CEP112: variants seen among roughly 807,000 people sequenced by gnomAD.
The protein encoded by CEP112 is centrosomal protein of 112 kDa.
Under a neutral mutation model 153.0 loss-of-function variants are expected in CEP112, and 127 were observed. That is an observed-to-expected ratio of 0.83 (90% CI 0.72 to 0.96). CEP112 has a LOEUF of 0.96. CEP112 is among the 40% of genes least tolerant of loss of function. CEP112 has a pLI of 0.00. For missense variants in CEP112, 1,089 were observed against 1,101.2 expected (o/e 0.99, Z 0.16); for synonymous variants, 358 against 374.4 (o/e 0.96, Z 0.51).
At chr17:66,036,780 A>C (rs1224200831) in intron 12 of CEP112, among the ~76,000 whole-genome samples, 1 of 152,204 alleles carries the variant, frequency 6.6e-6, no homozygotes, top group Non-Finnish European at 1.5e-5. Flanking sequence ...TATTCTGCTC[A>C]TGGAATTAAC....
intron 19 of CEP112, among the ~76,000 whole-genome samples, chr17:65,917,635 A>T (rs1321166993): frequency 6.6e-6 from 1 of 152,144 alleles, no homozygotes; most frequent in African/African-American, 2.4e-5. Flanking sequence ...AAACCTCAGT[A>T]ATAAGAATGT....
At chr17:65,755,107 T>A (rs977300210) in intron 21 of CEP112, among the ~76,000 whole-genome samples, 3 of 151,492 alleles carry the variant, frequency 2.0e-5, no homozygotes, top group African/African-American at 7.3e-5. Context: ...GAAAAAAAAA[T>A]ACAAATAAAA....
At chr17:65,781,434 T>C (rs942183444) in intron 21 of CEP112, among the ~76,000 whole-genome samples, 1 of 152,104 alleles carries the variant, frequency 6.6e-6, no homozygotes, top group Non-Finnish European at 1.5e-5. Context: ...CATTTTACAA[T>C]CTACAGATTC....
intron 20 of CEP112, among the ~76,000 whole-genome samples, chr17:65,856,599 T>C (rs1192477890): frequency 1.3e-5 from 2 of 152,194 alleles, no homozygotes; most frequent in Non-Finnish European, 2.9e-5. Context: ...AATTAAAAAA[T>C]ACATACATTT....
At chr17:65,954,741 T>C (rs976223312) in intron 18 of CEP112, among the ~76,000 whole-genome samples, 4 of 151,796 alleles carry the variant, frequency 2.6e-5, no homozygotes, top group African/African-American at 7.3e-5. Flanking sequence ...AGTAATAGAA[T>C]TGAACAAGCA....
intron 21 of CEP112, among the ~76,000 whole-genome samples, chr17:65,829,694 CA>C (rs1324588613): frequency 6.6e-6 from 1 of 151,846 alleles, no homozygotes; most frequent in African/African-American, 2.4e-5. Flanking sequence ...GTATTACTGT[CA>C]AAAAAGCACT....
intron 24 of CEP112, among the ~76,000 whole-genome samples, chr17:65,672,505 A>G (rs1252558576): frequency 6.6e-6 from 1 of 152,216 alleles, no homozygotes; most frequent in African/African-American, 2.4e-5. Flanking sequence ...CTCTTTATAG[A>G]TGATATTTAC....
At chr17:66,168,374 A>G (rs2072071854) in intron 4 of CEP112, among the ~76,000 whole-genome samples, 1 of 151,760 alleles carries the variant, frequency 6.6e-6, no homozygotes, top group Non-Finnish European at 1.5e-5. Flanking sequence ...TTGCCATAAT[A>G]ACCTATATAT....
rs371685749 is a variant in CEP112 at position 65,699,306 on chromosome 17, T to C, written c.2608-10088A>G. ...ATTAACCAACTCTATAAAGAGCAAG[T>C]TGCCTTTCATTTAAAACAGTTGGGG... On this transcript the variant is annotated intron_variant, in intron 23 of 26. Coordinates refer to ENST00000535342, the MANE Select transcript of CEP112 (RefSeq NM_001199165.4). Among the ~76,000 whole-genome samples the C allele has an allele frequency of 9.2e-5, 14 of 152,322 alleles. No homozygotes were observed. In the East Asian group the frequency reaches 2.1e-3, roughly 23 times the overall value.
intron 12 of CEP112, among the ~76,000 whole-genome samples, chr17:66,042,365 A>C (rs1275300195): frequency 6.6e-6 from 1 of 152,058 alleles, no homozygotes; most frequent in Non-Finnish European, 1.5e-5. Context: ...TAAAATAATA[A>C]AATAATAATA....
chr17:65,690,425 CAAAA>C (rs67648497), intron 23 of CEP112, among the ~76,000 whole-genome samples: 8 of 76,702 alleles, frequency 1.0e-4, no homozygotes, highest in South Asian at 1.1e-3. Flanking sequence ...GACCCTGTCT[CAAAA>C]AAAAAAAAAA....
intron 20 of CEP112, among the ~76,000 whole-genome samples, chr17:65,860,400 C>G (rs1161055778): frequency 6.6e-6 from 1 of 151,946 alleles, no homozygotes; most frequent in Non-Finnish European, 1.5e-5. Context: ...TCAAGAAGAG[C>G]TTTCGACAAG....
rs564726043 is a variant in CEP112, at chr17:65,987,122, A to G, written c.1736+18568T>C. Among the ~76,000 whole-genome samples the G allele has an allele frequency of 3.3e-3, 503 of 152,340 alleles. 2 individuals carry two copies. Among genetic ancestry groups the G allele is most frequent in the Middle Eastern group, 0.01 (3 of 294 alleles). ...ATACCATCAAAATAATCTAATATCC[A>G]GAAGAAAATATCAGAAAAGTATGAG... On this transcript the variant is annotated intron_variant, in intron 17 of 26. Transcript: ENST00000535342.
chr17:65,637,361 A>G (rs570862564), intron 25 of CEP112, among the ~76,000 whole-genome samples, 173 bp from the exon 26 acceptor site: 4 of 152,348 alleles, frequency 2.6e-5, no homozygotes, highest in African/African-American at 9.6e-5. Flanking sequence ...ATCCTTATTG[A>G]AAATCCATCA....
chr17:66,151,911 A>T (rs548162603), intron 4 of CEP112, among the ~76,000 whole-genome samples: 40 of 152,312 alleles, frequency 2.6e-4, no homozygotes, highest in South Asian at 6.2e-4. Context: ...AAAAAATTTT[A>T]AAAAAATTAA....
At chr17:65,949,860 C>T (rs904843256) in intron 18 of CEP112, among the ~76,000 whole-genome samples, 5 of 152,016 alleles carry the variant, frequency 3.3e-5, no homozygotes, top group Admixed American at 2.6e-4. Flanking sequence ...ATATTATCTC[C>T]GGGGCTTTCA....
At chr17:65,873,754 A>C (rs2058738350) in intron 20 of CEP112, 1 of 152,246 alleles carries the variant, frequency 6.6e-6, no homozygotes, top group Admixed American at 6.5e-5. Flanking sequence ...GCAGGAACTT[A>C]ACTAAGAATG....
chr17:66,136,825 G>A (rs146836786), intron 4 of CEP112, among the ~76,000 whole-genome samples: 132 of 152,274 alleles, frequency 8.7e-4, no homozygotes, highest in African/African-American at 3.0e-3. Context: ...CAGAAGTCCA[G>A]AGAAGACATA....
rs182134657 is a variant in CEP112 at position 65,665,865 on chromosome 17, C to T, written c.2697+23264G>A. On this transcript the variant is annotated intron_variant, in intron 24 of 26. Transcript: ENST00000535342. ...TTTGTACCCTATGAGCTGGCCCCAG[C>T]AGTCCCCCAGCAAGGTAGTAAGGGC... Among the ~76,000 whole-genome samples, 108 of 152,300 alleles carry T rather than the reference C, an allele frequency of 7.1e-4. 2 individuals are homozygous for T. Among genetic ancestry groups the T allele is most frequent in the Non-Finnish European group, 4.3e-4 (29 of 68,012 alleles).
Sources: allele counts gnomAD v4.1 joint callset (sites outside exome capture counted in the v4.1 genomes callset), GRCh38; gene constraint gnomAD v4.1.1; transcripts MANE v1.5; gene names NCBI Gene and HGNC (gene_info 2026-07-23, HGNC 2026-07-21).